The following TRIM44 variants were observed in gnomAD, a reference collection of about 807,000 sequenced individuals.
TRIM44 encodes the protein tripartite motif-containing protein 44.
Under a neutral mutation model 37.4 loss-of-function variants are expected in TRIM44, and 13 were observed. That is an observed-to-expected ratio of 0.35 (90% CI 0.23 to 0.55). The LOEUF (loss-of-function observed/expected upper bound fraction) is 0.55. TRIM44 is among the 20% of genes least tolerant of loss of function. The probability of loss-of-function intolerance (pLI) is 0.89; values close to 1 mark genes in which losing one functional copy is unlikely to be tolerated. For missense variants in TRIM44, 426 were observed against 437.2 expected, an observed-to-expected ratio of 0.97 and a Z score of 0.23; for synonymous variants, 175 against 157.2, an observed-to-expected ratio of 1.11 and a Z score of -0.85.
intron 4 of TRIM44, among the ~76,000 whole-genome samples, chr11:35,752,891 G>C (rs1852576348): frequency 6.6e-6 from 1 of 152,136 alleles, no homozygotes. Flanking sequence ...ACTTGCCACT[G>C]CATGAAAGTG....
chr11:35,797,026 C>T (rs1853301597), intron 4 of TRIM44, among the ~76,000 whole-genome samples: 1 of 152,094 alleles, frequency 6.6e-6, no homozygotes, highest in Non-Finnish European at 1.5e-5. Flanking sequence ...CCTCTAAAAC[C>T]ATATCTCTTG....
intron 1 of TRIM44, among the ~76,000 whole-genome samples, chr11:35,673,832 C>T (rs1015556934): frequency 3.9e-5 from 6 of 152,012 alleles, no homozygotes; most frequent in Non-Finnish European, 7.4e-5. Context: ...TCTTGACCAC[C>T]ACTCTTGACA....
intron 4 of TRIM44, among the ~76,000 whole-genome samples, chr11:35,756,367 C>T (rs1218217033): frequency 2.6e-5 from 4 of 152,176 alleles, no homozygotes; most frequent in African/African-American, 9.7e-5. Flanking sequence ...TATCCTGAGA[C>T]TTTGCTGAAG....
intron 1 of TRIM44, among the ~76,000 whole-genome samples, chr11:35,681,434 GT>G (rs1383947886): frequency 6.6e-6 from 1 of 152,172 alleles, no homozygotes; most frequent in Non-Finnish European, 1.5e-5. Context: ...ATTCTGAGTG[GT>G]GGGTGTCACA....
chr11:35,729,538 A>G (rs982303484), intron 3 of TRIM44, among the ~76,000 whole-genome samples: 5 of 152,188 alleles, frequency 3.3e-5, no homozygotes, highest in Non-Finnish European at 7.4e-5. Context: ...TAGGCTATGC[A>G]CTTCCCCAGC....
At chr11:35,740,666 T>C (rs1408742660) in intron 4 of TRIM44, among the ~76,000 whole-genome samples, 1 of 152,188 alleles carries the variant, frequency 6.6e-6, no homozygotes, top group Non-Finnish European at 1.5e-5. Context: ...GCTTCTATTT[T>C]TGATTCTGTC....
At chr11:35,789,572 G>A (rs1011998985) in intron 4 of TRIM44, among the ~76,000 whole-genome samples, 5 of 152,194 alleles carry the variant, frequency 3.3e-5, no homozygotes, top group Non-Finnish European at 7.4e-5. Flanking sequence ...TAGAAGAACT[G>A]GATTCAGCCT....
chr11:35,786,474 T>TA (rs1414101670), intron 4 of TRIM44, among the ~76,000 whole-genome samples: 3 of 152,190 alleles, frequency 2.0e-5, no homozygotes, highest in Admixed American at 1.3e-4. Flanking sequence ...GCACACCACT[T>TA]ACACTACTAC....
chr11:35,777,118 G>A (rs1366815185), intron 4 of TRIM44, among the ~76,000 whole-genome samples: 1 of 152,152 alleles, frequency 6.6e-6, no homozygotes, highest in East Asian at 1.9e-4. Context: ...CTAAGGACTT[G>A]CTTTATGAAT....
At chr11:35,692,407 A>C (rs1851647202) in intron 2 of TRIM44, among the ~76,000 whole-genome samples, 1 of 152,188 alleles carries the variant, frequency 6.6e-6, no homozygotes, top group African/African-American at 2.4e-5. Flanking sequence ...TTATAGATTG[A>C]GTATCCCTTA....
chr11:35,751,908 A>C (rs955364682), intron 4 of TRIM44, among the ~76,000 whole-genome samples: 7 of 152,202 alleles, frequency 4.6e-5, no homozygotes, highest in African/African-American at 1.7e-4. Flanking sequence ...TATTACATAG[A>C]TGAGGAAATT....
intron 2 of TRIM44, among the ~76,000 whole-genome samples, chr11:35,710,435 A>G (rs888389018): frequency 2.0e-5 from 3 of 152,222 alleles, no homozygotes; most frequent in Non-Finnish European, 2.9e-5. Flanking sequence ...TAACAAAGAC[A>G]GATTATCAAG....
chr11:35,743,593 T>G (rs1439410880), intron 4 of TRIM44, among the ~76,000 whole-genome samples: 1 of 152,232 alleles, frequency 6.6e-6, no homozygotes, highest in Non-Finnish European at 1.5e-5. Context: ...ATTGTCTATT[T>G]GATTTGTGTC....
chr11:35,731,340 A>T (rs531375562), intron 3 of TRIM44, among the ~76,000 whole-genome samples: 1 of 152,096 alleles, frequency 6.6e-6, no homozygotes, highest in Non-Finnish European at 1.5e-5. Context: ...TGAAATGATC[A>T]TACGCATTTT....
At chr11:35,707,350 A>T (rs1475027261) in intron 2 of TRIM44, among the ~76,000 whole-genome samples, 1 of 152,212 alleles carries the variant, frequency 6.6e-6, no homozygotes, top group Non-Finnish European at 1.5e-5. Context: ...AAGGTAATTT[A>T]TAGATTCAAT....
At chr11:35,702,660 A>G (rs970600165) in intron 2 of TRIM44, among the ~76,000 whole-genome samples, 5 of 152,230 alleles carry the variant, frequency 3.3e-5, no homozygotes, top group African/African-American at 1.2e-4. Flanking sequence ...AATTTTGCAC[A>G]TAGTTTGTGC....
intron 4 of TRIM44, among the ~76,000 whole-genome samples, chr11:35,767,432 C>G (rs570085269): frequency 6.6e-6 from 1 of 152,154 alleles, no homozygotes; most frequent in African/African-American, 2.4e-5. Context: ...ATAGATAATC[C>G]TCAGTACTAC....
At chr11:35,791,355 ACAGAACACAGCCTGTATATTTTAAG>A (rs1387245442) in intron 4 of TRIM44, among the ~76,000 whole-genome samples, 1 of 152,036 alleles carries the variant, frequency 6.6e-6, no homozygotes, top group Non-Finnish European at 1.5e-5. Flanking sequence ...GGAGTGTCAC[ACAGAACACAGCCTGTATATTTTAAG>A]CATAGCCCTT....
intron 4 of TRIM44, among the ~76,000 whole-genome samples, chr11:35,763,688 C>T (rs1038728133): frequency 4.6e-5 from 7 of 152,168 alleles, no homozygotes; most frequent in South Asian, 2.1e-4. Context: ...AAATTAATTT[C>T]GAGAGAAAGA....
Sources: allele counts gnomAD v4.1 joint callset (sites outside exome capture counted in the v4.1 genomes callset), GRCh38; gene constraint gnomAD v4.1.1; transcripts MANE v1.5; gene names NCBI Gene and HGNC (gene_info 2026-07-23, HGNC 2026-07-21).